The following ALLC variants were observed in gnomAD, a reference collection of about 807,000 sequenced individuals.
ALLC encodes the protein probable inactive allantoicase.
ALLC carries 40 observed loss-of-function variants against 45.0 expected under a neutral mutation model. The ratio of observed to expected loss-of-function variants is 0.89; its 90% CI spans 0.69 to 1.16. ALLC has a LOEUF of 1.16. ALLC is among the 50% of genes most tolerant of loss of function. ALLC has a pLI of 0.00. For synonymous variants in ALLC, 176 were observed against 178.1 expected (o/e 0.99, Z 0.09); for missense variants, 488 against 493.1 (o/e 0.99, Z 0.10).
chr2:3,700,094 A>G (rs932762689), intron 10 of ALLC, among the ~76,000 whole-genome samples: 1 of 152,026 alleles, frequency 6.6e-6, no homozygotes, highest in African/African-American at 2.4e-5. Context: ...CCAGAATGGT[A>G]TTTCCTAAGT....
chr2:3,675,037 T>A lies in ALLC; in HGVS notation c.84+912T>A, dbSNP rs116483325. 6.8e-3 allele frequency among the ~76,000 whole-genome samples: 1,036 copies of A among 152,254 alleles called. 4 individuals are homozygous for A. Among genetic ancestry groups the A allele is most frequent in the East Asian group, 0.021 (111 of 5,184 alleles). On this transcript the variant is annotated intron_variant, in intron 3 of 11. Transcript: ENST00000252505. ...AGGAGATAACCAACCTAAGTGTTCA[T>A]TGATTGATAGGGAACTAAAGAAATT...
chr2:3,664,310 A>G (rs1416028520), intron 1 of ALLC, among the ~76,000 whole-genome samples: 2 of 152,180 alleles, frequency 1.3e-5, no homozygotes, highest in East Asian at 3.8e-4. Context: ...AGGATTTTAC[A>G]AGGGTCTGTT....
At chr2:3,646,187 G>A in the ALLC span, among the ~76,000 whole-genome samples, 1 of 152,080 alleles carries the variant, frequency 6.6e-6, no homozygotes. Context: ...AGAAGAACCG[G>A]GTTCCCTAGG....
intron 1 of ALLC, among the ~76,000 whole-genome samples, chr2:3,668,759 A>G (rs1385856918): frequency 6.6e-6 from 1 of 150,656 alleles, no homozygotes; most frequent in Non-Finnish European, 1.5e-5. Context: ...TATTTTTAGT[A>G]GAGACGGGGT....
intron 10 of ALLC, among the ~76,000 whole-genome samples, chr2:3,699,239 A>G (rs112784495): frequency 6.6e-6 from 1 of 152,292 alleles, no homozygotes; most frequent in African/African-American, 2.4e-5. Flanking sequence ...GCTGCCACTT[A>G]TGTAAACATA....
At chr2:3,702,067 G>A (rs1014303568) in intron 11 of ALLC, among the ~76,000 whole-genome samples, 3 of 151,928 alleles carry the variant, frequency 2.0e-5, no homozygotes, top group Non-Finnish European at 4.4e-5. Flanking sequence ...AGACCAAGAT[G>A]GTCTCTTCCT....
chr2:3,676,856 C>T (rs945152416), intron 3 of ALLC, among the ~76,000 whole-genome samples: 6 of 151,846 alleles, frequency 4.0e-5, no homozygotes, highest in Non-Finnish European at 5.9e-5. Flanking sequence ...GGCATGATCT[C>T]GGCTCACCAC....
chr2:3,701,541 G>A lies in ALLC; in HGVS notation c.880G>A (p.Gly294Arg). ...TGCTCCTGACAGCTGTAAAGTGGAT[G>A]GGTGCATCCTGACAACTCAGGAAGA... ...GNAPDSCKVD[G>R]CILTTQEEEA... The change falls in exon 11 of 12, where the codon GGG (glycine) becomes AGG (arginine). Residue 294 changes from glycine (G) to arginine (R), a missense_variant. Coordinates refer to ENST00000252505, the MANE Select transcript of ALLC (RefSeq NM_018436.4). 1.3e-6 allele frequency: 2 copies of A among 1,591,894 alleles called. No individual in the cohort carries two copies. The highest frequency in any genetic ancestry group is 1.4e-5 in the African/African-American group (1 of 70,186).
intron 1 of ALLC, among the ~76,000 whole-genome samples, chr2:3,666,812 G>A (rs1393553980): frequency 3.9e-5 from 6 of 152,256 alleles, no homozygotes; most frequent in Admixed American, 1.3e-4. Flanking sequence ...TGAGCTCTGC[G>A]TCGTAATCTT....
chr2:3,696,278 T>G lies in ALLC; in HGVS notation c.671T>G (p.Val224Gly), dbSNP rs369963563. 1 of 1,612,236 alleles carries G rather than the reference T, an allele frequency of 6.2e-7. No individual in the cohort carries two copies. Among genetic ancestry groups the G allele is most frequent in the Admixed American group, 1.7e-5 (1 of 59,744 alleles). The change falls in exon 9 of 12, where the codon GTT becomes GGT. Residue 224 changes from valine (V) to glycine (G), a missense_variant. Val to Gly is a moderately radical substitution (Grantham distance 109). Transcript: ENST00000252505. ...KFGHPNNIIGVGGAKSMADGW... is the reference protein window; with the variant it reads ...KFGHPNNIIGGGGAKSMADGW... Reference sequence around the variant, plus strand: ...TCAACAATGTTATTTTCTGTAGGAGTTGGCGGGGCAAAGTCTATGGCGGAT... The same window carrying G: ...TCAACAATGTTATTTTCTGTAGGAGGTGGCGGGGCAAAGTCTATGGCGGAT...
At chr2:3,666,045 A>C (rs1233923320) in intron 1 of ALLC, among the ~76,000 whole-genome samples, 2 of 151,954 alleles carry the variant, frequency 1.3e-5, no homozygotes, top group East Asian at 3.9e-4. Context: ...TCGGAGGCAC[A>C]CCAAAGGAAA....
At chr2:3,650,293 C>G in the ALLC span, among the ~76,000 whole-genome samples, 1 of 152,190 alleles carries the variant, frequency 6.6e-6, no homozygotes, top group Non-Finnish European at 1.5e-5. Context: ...GCTCCCACTG[C>G]TCCTCCTGGG....
chr2:3,655,518 C>T (rs546392151), upstream of ALLC, among the ~76,000 whole-genome samples: 4 of 152,310 alleles, frequency 2.6e-5, 1 homozygote, highest in Admixed American at 2.0e-4. Context: ...AGCAGTGGTG[C>T]GATCACAGCT....
At chr2:3,671,537 G>A (rs1158703035) in intron 2 of ALLC, among the ~76,000 whole-genome samples, 6 of 151,542 alleles carry the variant, frequency 4.0e-5, no homozygotes, top group African/African-American at 9.7e-5. Flanking sequence ...GAGGTCCTCT[G>A]GCTCTGGTTA....
chr2:3,654,821 C>G (rs1478975834), upstream of ALLC, among the ~76,000 whole-genome samples: 1 of 152,260 alleles, frequency 6.6e-6, no homozygotes, highest in Non-Finnish European at 1.5e-5. Context: ...GCATTTGCAA[C>G]TCTGCCTGGA....
intron 1 of ALLC, among the ~76,000 whole-genome samples, chr2:3,666,853 A>G (rs1008379566): frequency 6.6e-6 from 1 of 152,144 alleles, no homozygotes; most frequent in Non-Finnish European, 1.5e-5. Context: ...GTCCAGTCAA[A>G]TCCTCTTTGA....
At chr2:3,684,969 T>A (rs560109227) in intron 7 of ALLC, among the ~76,000 whole-genome samples, 8 of 152,184 alleles carry the variant, frequency 5.3e-5, no homozygotes, top group Non-Finnish European at 8.8e-5. Flanking sequence ...TAATGGGCAC[T>A]TACTTTGATT....
Position 3,670,947 on chromosome 2 carries a change from A to T in ALLC, c.-62-149A>T. ...TTTTTAGTTCAACCTCATTGAGCAG[A>T]GGGCACCTGTCAGGTACAGTTGACA... On this transcript the variant is annotated intron_variant, in intron 1 of 11. Transcript: ENST00000252505. The T allele has an allele frequency of 1.0e-5, 6 of 580,544 alleles. No homozygotes were observed. In the South Asian group the frequency reaches 1.3e-4, roughly 13 times the overall value. 36.0% of individuals were successfully genotyped at this position (580,544 alleles called of 1,614,324 possible).
the ALLC span, among the ~76,000 whole-genome samples, chr2:3,647,204 G>A: frequency 3.9e-5 from 6 of 152,118 alleles, no homozygotes; most frequent in Admixed American, 6.5e-5. Context: ...TGTTCAACGC[G>A]ACACACACAT....
Sources: allele counts gnomAD v4.1 joint callset (sites outside exome capture counted in the v4.1 genomes callset), GRCh38; gene constraint gnomAD v4.1.1; transcripts MANE v1.5; gene names NCBI Gene and HGNC (gene_info 2026-07-23, HGNC 2026-07-21).